PCDH15: variants seen among roughly 807,000 people sequenced by gnomAD.
PCDH15 encodes protocadherin related 15, also known as protocadherin-15.
Under a neutral mutation model 178.5 loss-of-function variants are expected in PCDH15, and 129 were observed. That is an observed-to-expected ratio of 0.72 (90% CI 0.63 to 0.84). PCDH15 has a LOEUF of 0.84. Ranked by LOEUF, PCDH15 falls within the 40% of genes least tolerant of loss-of-function variation. PCDH15 has a pLI of 0.00. For missense variants in PCDH15, 2,230 were observed against 2,099.9 expected (o/e 1.06, Z -1.21); for synonymous variants, 800 against 732.0 (o/e 1.09, Z -1.50).
Position 55,547,910 on chromosome 10 carries a change from T to TGTGTGTGAGAGAGAGAGAGA in PCDH15, c.-156+79714_-156+79715insTCTCTCTCTCTCTCACACAC, listed in dbSNP as rs541144266. Reference sequence around the variant, plus strand: ...TGGTGTGTGTGTCTGTGTGTGTGTGTGAGAGAGAGAGAGAGAGAGAGAGAG... The same window carrying TGTGTGTGAGAGAGAGAGAGA: ...TGGTGTGTGTGTCTGTGTGTGTGTGTGTGTGTGAGAGAGAGAGAGAGAGAGAGAGAGAGAGAGAGAGAGAG... On this transcript the variant is annotated intron_variant, in intron 2 of 5. Transcript: ENST00000613346. 8.4e-3 allele frequency among the ~76,000 whole-genome samples: 458 copies of TGTGTGTGAGAGAGAGAGAGA among 54,386 alleles called. 12 individuals are homozygous for TGTGTGTGAGAGAGAGAGAGA. The highest frequency in any genetic ancestry group is 0.014 in the African/African-American group (177 of 12,348). 35.7% of individuals were successfully genotyped at this position (54,386 alleles called of 152,430 possible). A position where few individuals can be genotyped will look rare whatever the true frequency, so the allele number is the denominator to read the frequency against.
intron 2 of PCDH15, among the ~76,000 whole-genome samples, chr10:54,930,074 T>A (rs1554815651): frequency 6.6e-6 from 1 of 152,144 alleles, no homozygotes; most frequent in Non-Finnish European, 1.5e-5. Context: ...GCTGTGCCAA[T>A]AGTAAAAGTC....
rs553394339 is a variant in PCDH15, at chr10:54,469,504, A to G, written c.157+58308T>C. 1.5e-4 allele frequency among the ~76,000 whole-genome samples: 23 copies of G among 152,298 alleles called. No homozygotes were observed. In the South Asian group the frequency reaches 4.6e-3, roughly 30 times the overall value. On this transcript the variant is annotated intron_variant, in intron 3 of 37. Coordinates refer to ENST00000644397, the MANE Select transcript of PCDH15 (RefSeq NM_001384140.1). ...TATATGTGAGGGCTTAGTCACATAT[A>G]ATTCACCACACATACATGCAGGTGG...
At chr10:55,269,427 G>T (rs1385593988) in intron 1 of PCDH15, among the ~76,000 whole-genome samples, 1 of 152,212 alleles carries the variant, frequency 6.6e-6, no homozygotes, top group African/African-American at 2.4e-5. Flanking sequence ...AAAGATTTTA[G>T]TAAGGTTTCA....
intron 2 of PCDH15, among the ~76,000 whole-genome samples, chr10:55,362,667 T>A (rs924052261): frequency 6.6e-6 from 1 of 152,108 alleles, no homozygotes; most frequent in Admixed American, 6.6e-5. Flanking sequence ...TGTGTGCACA[T>A]GCATGTGTGC....
chr10:54,360,342 A>G (rs1945801578), intron 5 of PCDH15, among the ~76,000 whole-genome samples: 1 of 152,120 alleles, frequency 6.6e-6, no homozygotes, highest in Non-Finnish European at 1.5e-5. Context: ...CAGCCAAAGA[A>G]ATGAATTTGA....
At chr10:54,558,502 A>C (rs898860429) in intron 2 of PCDH15, among the ~76,000 whole-genome samples, 1 of 152,108 alleles carries the variant, frequency 6.6e-6, no homozygotes, top group African/African-American at 2.4e-5. Flanking sequence ...TAAATGACTC[A>C]GTTTAAATCA....
intron 2 of PCDH15, chr10:54,599,926 A>G: frequency 1.2e-6 from 1 of 836,496 alleles, no homozygotes; most frequent in East Asian, 2.8e-5. Flanking sequence ...GGAAGTGGCC[A>G]CTAAGGAGGA....
At chr10:54,480,881 C>T (rs988176347) in intron 3 of PCDH15, among the ~76,000 whole-genome samples, 4 of 151,886 alleles carry the variant, frequency 2.6e-5, no homozygotes, top group South Asian at 2.1e-4. Context: ...TGATAAAACA[C>T]GTATTTCTAG....
intron 2 of PCDH15, among the ~76,000 whole-genome samples, chr10:54,621,275 A>G (rs759654426): frequency 6.6e-6 from 1 of 152,014 alleles, no homozygotes; most frequent in Non-Finnish European, 1.5e-5. Flanking sequence ...CATGCTAGCA[A>G]CAGTAATTAC....
intron 5 of PCDH15, among the ~76,000 whole-genome samples, chr10:54,367,798 CAT>C (rs907423328): frequency 6.6e-5 from 10 of 150,586 alleles, no homozygotes; most frequent in East Asian, 5.9e-4. Context: ...CCAGAACTAA[CAT>C]ATATATATAT....
In PCDH15 at chr10:53,940,516, C is replaced by T. The variant is rs543755217; in HGVS notation, c.3232+350G>A. 3.9e-5 allele frequency among the ~76,000 whole-genome samples: 6 copies of T among 152,046 alleles called. No individual in the cohort carries two copies. The South Asian group carries it at 6.2e-4, about 16-fold the overall frequency. On this transcript the variant is annotated intron_variant, in intron 24 of 37. Coordinates refer to ENST00000644397, the MANE Select transcript of PCDH15 (RefSeq NM_001384140.1). The stretch of plus-strand genomic sequence containing the variant: ...TGGATGGTTCAGACACTGGGGCGGA[C>T]GAAGCTACTGTAGGCAATGATCATG...
intron 1 of PCDH15, among the ~76,000 whole-genome samples, chr10:55,279,708 A>T (rs1187267352): frequency 6.6e-6 from 1 of 152,196 alleles, no homozygotes; most frequent in African/African-American, 2.4e-5. Flanking sequence ...TCTCCAAAAC[A>T]TCAATAGAAA....
intron 2 of PCDH15, among the ~76,000 whole-genome samples, chr10:54,971,331 T>A (rs1348697812): frequency 6.6e-6 from 1 of 152,102 alleles, no homozygotes; most frequent in East Asian, 1.9e-4. Context: ...GGTCCTTTTG[T>A]CCTTCCATCC....
intron 18 of PCDH15, among the ~76,000 whole-genome samples, chr10:54,029,565 A>G (rs1329216627): frequency 6.6e-6 from 1 of 152,170 alleles, no homozygotes; most frequent in East Asian, 1.9e-4. Flanking sequence ...AATAATTGCC[A>G]GAAACACCAC....
At chr10:54,472,560 A>G (rs779069098) in intron 3 of PCDH15, among the ~76,000 whole-genome samples, 47 of 152,284 alleles carry the variant, frequency 3.1e-4, no homozygotes, top group Non-Finnish European at 5.6e-4. Context: ...GTTATCTACT[A>G]TGTATCAGCC....
intron 6 of PCDH15, among the ~76,000 whole-genome samples, chr10:54,332,132 T>C (rs780607520): frequency 1.3e-5 from 2 of 148,562 alleles, no homozygotes; most frequent in Non-Finnish European, 3.0e-5. Context: ...GTCTTTGAGT[T>C]GCTGAGCAAA....
At chr10:54,208,081 A>G (rs965931170) in intron 10 of PCDH15, among the ~76,000 whole-genome samples, 1 of 151,786 alleles carries the variant, frequency 6.6e-6, no homozygotes, top group Non-Finnish European at 1.5e-5. Flanking sequence ...TGCTAAGTTT[A>G]AAAAAAAGGA....
chr10:54,536,711 T>G (rs1286507438), intron 2 of PCDH15, among the ~76,000 whole-genome samples: 2 of 151,716 alleles, frequency 1.3e-5, no homozygotes, highest in African/African-American at 4.9e-5. Context: ...GGCTATGCAA[T>G]GTTTAGCTGC....
chr10:54,524,892 A>T (rs1216938290), intron 3 of PCDH15, among the ~76,000 whole-genome samples: 1 of 152,204 alleles, frequency 6.6e-6, no homozygotes, highest in Non-Finnish European at 1.5e-5. Flanking sequence ...TGAATCTGTC[A>T]TTAAGGTGCT....
Sources: allele counts gnomAD v4.1 joint callset (sites outside exome capture counted in the v4.1 genomes callset), GRCh38; gene constraint gnomAD v4.1.1; transcripts MANE v1.5; gene names NCBI Gene and HGNC (gene_info 2026-07-23, HGNC 2026-07-21).